Variants in ABR observed in about 807,000 individuals in gnomAD.
The protein encoded by ABR is active breakpoint cluster region-related protein.
Under a neutral mutation model 107.2 loss-of-function variants are expected in ABR, and 35 were observed. The ratio of observed to expected loss-of-function variants is 0.33; its 90% CI spans 0.25 to 0.43. The LOEUF is 0.43. ABR is among the 20% of genes least tolerant of loss of function. The pLI is 1.00. For missense variants in ABR, 815 were observed against 1,115.2 expected (o/e 0.73, Z 3.83); for synonymous variants, 498 against 462.0 (o/e 1.08, Z -1.00).
intron 1 of ABR, among the ~76,000 whole-genome samples, chr17:1,175,322 G>A (rs2041880488): frequency 6.6e-6 from 1 of 152,182 alleles, no homozygotes; most frequent in Non-Finnish European, 1.5e-5. Flanking sequence ...TGAGGCAGGA[G>A]AATCGCTTGA....
Position 1,172,952 on chromosome 17 carries a change from CCCCCCCAT to C in ABR, c.61+6707_61+6714del, listed in dbSNP as rs774611727. ...ATATAGAACAGAGCAGGTAATCCAC[CCCCCCCAT>C]CACCTCAGCCCACCCAACACATCAC... is the stretch of plus-strand genomic sequence containing the variant. On this transcript the variant is annotated intron_variant, in intron 1 of 22. Transcript: ENST00000302538. 4.7e-4 allele frequency among the ~76,000 whole-genome samples: 16 copies of C among 33,698 alleles called. 1 individual carries two copies. In the Non-Finnish European group the frequency reaches 6.5e-3, roughly 14 times the overall value. The allele number at this position is 33,698 out of a possible 152,430, so 22.1% of individuals were successfully genotyped here. A position where few individuals can be genotyped will look rare whatever the true frequency, so the allele number is the denominator to read the frequency against.
At chr17:1,125,933 G>A (rs923150563) in intron 1 of ABR, among the ~76,000 whole-genome samples, 4 of 152,184 alleles carry the variant, frequency 2.6e-5, no homozygotes, top group African/African-American at 7.2e-5. Flanking sequence ...CAAGGCAGCA[G>A]GGCGTGGGCG....
chr17:1,106,128 G>T lies in ABR; in HGVS notation c.247-5393C>A, dbSNP rs981827835. On this transcript the variant is annotated intron_variant, in intron 2 of 22. Coordinates refer to ENST00000302538, the MANE Select transcript of ABR (RefSeq NM_021962.5). ...AATAACTCTTCAAAGGTAAGTCTGG[G>T]CTGAGATATGCAGCAAACTCCAGCT... Among the ~76,000 whole-genome samples, 3 of 152,082 alleles carry T rather than the reference G, an allele frequency of 2.0e-5. No homozygotes were observed. The East Asian group carries it at 5.8e-4, about 29-fold the overall frequency.
In ABR at chr17:1,071,056, G is replaced by A. The variant is rs139405424; in HGVS notation, c.895-966C>T. Among the ~76,000 whole-genome samples, 8 of 152,202 alleles carry A rather than the reference G, an allele frequency of 5.3e-5. No individual in the cohort carries two copies. Among genetic ancestry groups the A allele is most frequent in the African/African-American group, 1.7e-4 (7 of 41,522 alleles). ...CGCCTGCCTGTAATCTCAGCTACTT[G>A]GGAGGATGAGGCAGGAGAATTGCTT... On this transcript the variant is annotated intron_variant, in intron 8 of 22. Transcript: ENST00000302538. The surrounding 1 kb of genome is among the most constrained non-coding windows in gnomAD (Gnocchi z 5.1).
chr17:1,111,960 C>T (rs1200900833), intron 2 of ABR, among the ~76,000 whole-genome samples: 5 of 152,236 alleles, frequency 3.3e-5, no homozygotes, highest in Non-Finnish European at 5.9e-5. Flanking sequence ...CTTCCCCTTC[C>T]GGGTTTCCAC....
chr17:1,181,370 A>T (rs2042127578), upstream of ABR, among the ~76,000 whole-genome samples: 1 of 152,158 alleles, frequency 6.6e-6, no homozygotes, highest in African/African-American at 2.4e-5. Context: ...GCACAGGATG[A>T]TGCTCTGGGT....
At chr17:1,060,798 C>G (rs1245532777) in intron 10 of ABR, among the ~76,000 whole-genome samples, 1 of 152,010 alleles carries the variant, frequency 6.6e-6, no homozygotes, top group Non-Finnish European at 1.5e-5. Flanking sequence ...TGAGACCAGC[C>G]TGGCTAACAC....
chr17:1,123,427 GC>G lies in ABR; in HGVS notation c.246+1755del, dbSNP rs535657966. On this transcript the variant is annotated intron_variant, in intron 2 of 22. Coordinates refer to ENST00000302538, the MANE Select transcript of ABR (RefSeq NM_021962.5). Reference sequence around the variant, plus strand: ...CCACCAAGTCAAGTTCTGCCCCGAAGCCCCGGAGCGCCAGGCGGGGGCATCT... The same window carrying G: ...CCACCAAGTCAAGTTCTGCCCCGAAGCCCGGAGCGCCAGGCGGGGGCATCT... 1.4e-4 allele frequency among the ~76,000 whole-genome samples: 21 copies of G among 152,314 alleles called. No homozygotes were observed. The South Asian group carries it at 4.4e-3, about 32-fold the overall frequency.
chr17:1,034,532 G>C (rs1040949498), intron 16 of ABR, among the ~76,000 whole-genome samples: 2 of 152,178 alleles, frequency 1.3e-5, no homozygotes, highest in African/African-American at 2.4e-5. Context: ...CGAACATCGA[G>C]AGATACAATT....
rs955426404 is a variant in ABR at position 1,005,188 on chromosome 17, T to A, written c.*892A>T. 6 of 398,598 alleles carry A rather than the reference T, an allele frequency of 1.5e-5. No individual in the cohort carries two copies. Among genetic ancestry groups the A allele is most frequent in the Non-Finnish European group, 2.7e-5 (6 of 226,146 alleles). The allele number at this position is 398,598 out of a possible 1,614,324, so 24.7% of individuals were successfully genotyped here. The stretch of plus-strand genomic sequence containing the variant: ...TCTCCTGACCCTCTGGCTATCTCGA[T>A]AGCAGGTCACCTGTGAGTCTTTACA... On this transcript the variant is annotated 3_prime_UTR_variant, in exon 23 of 23. Transcript: ENST00000302538.
intron 2 of ABR, among the ~76,000 whole-genome samples, chr17:1,112,106 C>A (rs1011244328): frequency 6.6e-6 from 1 of 152,230 alleles, no homozygotes; most frequent in Non-Finnish European, 1.5e-5. Context: ...TACACCCACA[C>A]GACCACACGT....
intron 12 of ABR, 60 bp downstream of exon 12, chr17:1,057,910 A>G: frequency 6.7e-7 from 1 of 1,496,640 alleles, no homozygotes; most frequent in Non-Finnish European, 9.3e-7. Flanking sequence ...GCTTAGAAAT[A>G]CAAAAGGCCC....
chr17:1,121,213 G>T (rs1395463947), intron 2 of ABR, among the ~76,000 whole-genome samples: 1 of 152,260 alleles, frequency 6.6e-6, no homozygotes, highest in African/African-American at 2.4e-5. Flanking sequence ...AGAGTGCAAG[G>T]CTGTGGAAGG....
At chr17:1,024,446 C>T (rs1008955429) in intron 16 of ABR, among the ~76,000 whole-genome samples, 33 of 152,296 alleles carry the variant, frequency 2.2e-4, no homozygotes, top group African/African-American at 7.9e-4. Flanking sequence ...CTAAGCCACT[C>T]ACGTGACTTC....
At chr17:1,163,757 A>G (rs71358542) in intron 1 of ABR, among the ~76,000 whole-genome samples, 29 of 24,066 alleles carry the variant, frequency 1.2e-3, no homozygotes, top group Admixed American at 1.9e-3. Flanking sequence ...GGACCCTGGC[A>G]AAGTGTCACA....
chr17:1,127,677 G>A (rs367997669), intron 1 of ABR, among the ~76,000 whole-genome samples: 100 of 152,270 alleles, frequency 6.6e-4, no homozygotes, highest in African/African-American at 2.3e-3. Context: ...CCGCGGCTTT[G>A]CCCACAGTTT....
Position 1,104,249 on chromosome 17 carries a change from G to A in ABR, c.247-3514C>T, listed in dbSNP as rs1284984240. Among the ~76,000 whole-genome samples the A allele has an allele frequency of 4.8e-4, 73 of 152,292 alleles. 1 individual carries two copies. Among genetic ancestry groups the A allele is most frequent in the East Asian group, 1.9e-4 (1 of 5,182 alleles). On this transcript the variant is annotated intron_variant, in intron 2 of 22. Transcript: ENST00000302538. Reference sequence around the variant, plus strand: ...GCACAATCTGCTAGGCTGACAGTGTGGCAGCTTGAAGCCGCCAAACCAAAG... The same window carrying A: ...GCACAATCTGCTAGGCTGACAGTGTAGCAGCTTGAAGCCGCCAAACCAAAG...
chr17:1,107,369 C>T (rs1054307184), intron 2 of ABR, among the ~76,000 whole-genome samples: 2 of 152,266 alleles, frequency 1.3e-5, no homozygotes, highest in African/African-American at 4.8e-5. Flanking sequence ...ACCAGCCCCA[C>T]ACCAAGCACT....
At chr17:1,220,884 G>T (rs1012909172) in intron 1 of ABR, among the ~76,000 whole-genome samples, 1 of 152,166 alleles carries the variant, frequency 6.6e-6, no homozygotes. Context: ...GGAGAGAAAA[G>T]GGGTCTAAAC....
Sources: allele counts gnomAD v4.1 joint callset (sites outside exome capture counted in the v4.1 genomes callset), GRCh38; gene constraint gnomAD v4.1.1; non-coding constraint Gnocchi (gnomAD v3.1); transcripts MANE v1.5; gene names NCBI Gene and HGNC (gene_info 2026-07-23, HGNC 2026-07-21).